The following SMOC2 variants were observed in gnomAD, a reference collection of about 807,000 sequenced individuals.
The protein encoded by SMOC2 is SPARC-related modular calcium-binding protein 2.
SMOC2 carries 39 observed loss-of-function variants against 61.4 expected under a neutral mutation model. The ratio of observed to expected loss-of-function variants is 0.64; its 90% CI spans 0.49 to 0.83. The LOEUF is 0.83. Ranked by LOEUF, SMOC2 falls within the 40% of genes least tolerant of loss-of-function variation. The pLI, the probability that SMOC2 is intolerant of heterozygous loss-of-function variation, is 0.00. For missense variants in SMOC2, 556 were observed against 592.9 expected, an observed-to-expected ratio of 0.94 and a Z score of 0.65; for synonymous variants, 247 against 239.9, an observed-to-expected ratio of 1.03 and a Z score of -0.27.
At chr6:168,650,310 A>T (rs1268523927) in intron 9 of SMOC2, among the ~76,000 whole-genome samples, 3 of 152,082 alleles carry the variant, frequency 2.0e-5, no homozygotes, top group Non-Finnish European at 2.9e-5. Context: ...GATTGCTGGG[A>T]TGGCCAGCCT....
intron 9 of SMOC2, among the ~76,000 whole-genome samples, chr6:168,626,031 A>C (rs899681875): frequency 2.0e-5 from 3 of 152,224 alleles, no homozygotes; most frequent in African/African-American, 7.2e-5. Flanking sequence ...CTGCCTTTCT[A>C]AGAAAGCTAA....
At chr6:168,536,276 C>G (rs1478826369) in intron 4 of SMOC2, among the ~76,000 whole-genome samples, 1 of 152,150 alleles carries the variant, frequency 6.6e-6, no homozygotes, top group East Asian at 1.9e-4. Flanking sequence ...AGTGGGGGAG[C>G]CTGTGGCTGC....
chr6:168,486,538 T>G (rs1253811698), intron 1 of SMOC2, among the ~76,000 whole-genome samples: 1 of 151,964 alleles, frequency 6.6e-6, no homozygotes. Context: ...GAAGTTTGAT[T>G]TGGCGTATTC....
intron 1 of SMOC2, among the ~76,000 whole-genome samples, chr6:168,478,935 T>C (rs1782147592): frequency 6.6e-6 from 1 of 151,486 alleles, no homozygotes; most frequent in Admixed American, 6.6e-5. Context: ...ACAGACCCTG[T>C]CTCGGGAAAA....
chr6:168,614,338 C>T (rs1330842298), intron 9 of SMOC2, among the ~76,000 whole-genome samples: 1 of 80,988 alleles, frequency 1.2e-5, no homozygotes, highest in Non-Finnish European at 2.4e-5. Context: ...TACCTACAGC[C>T]AGCACAGGAC....
intron 7 of SMOC2, among the ~76,000 whole-genome samples, chr6:168,575,196 CCG>C (rs1038487766): frequency 6.6e-6 from 1 of 152,094 alleles, no homozygotes; most frequent in African/African-American, 2.4e-5. Flanking sequence ...GAGCTCAGCA[CCG>C]AGTGGCTCGC....
chr6:168,452,806 T>C lies in SMOC2; in HGVS notation c.84+11352T>C, dbSNP rs528699966. 1.3e-5 allele frequency among the ~76,000 whole-genome samples: 2 copies of C among 152,368 alleles called. No homozygotes were observed. Among genetic ancestry groups the C allele is most frequent in the South Asian group, 4.1e-4 (2 of 4,828 alleles). On this transcript the variant is annotated intron_variant, in intron 1 of 12. Coordinates refer to ENST00000356284, the MANE Select transcript of SMOC2 (RefSeq NM_001166412.2). This position sits in a 1 kb window ranked among gnomAD's most constrained non-coding sequence, Gnocchi z 5.0. ...TCTGTAGGTTGTCTGGCCAACTTTATTCTAGAAGGCAGCAGGAAGGAGGGC... is the reference window on the plus strand; with the variant it reads ...TCTGTAGGTTGTCTGGCCAACTTTACTCTAGAAGGCAGCAGGAAGGAGGGC...
At chr6:168,585,954 G>C (rs902499819) in intron 7 of SMOC2, among the ~76,000 whole-genome samples, 4 of 152,030 alleles carry the variant, frequency 2.6e-5, no homozygotes, top group Non-Finnish European at 5.9e-5. Context: ...TTGCCTTTTC[G>C]TTTTCTTAAT....
At chr6:168,501,420 G>A (rs1050529705) in intron 1 of SMOC2, among the ~76,000 whole-genome samples, 3 of 152,054 alleles carry the variant, frequency 2.0e-5, no homozygotes, top group Non-Finnish European at 4.4e-5. Context: ...TTGCTGCGGT[G>A]CCAGGAACCT....
chr6:168,583,556 C>T (rs1784972340), intron 7 of SMOC2, among the ~76,000 whole-genome samples: 13 of 151,778 alleles, frequency 8.6e-5, no homozygotes, highest in Admixed American at 7.9e-4. Flanking sequence ...TGGGTCTGAC[C>T]CCCTGTCTCT....
At chr6:168,574,264 G>A (rs78922776) in intron 7 of SMOC2, among the ~76,000 whole-genome samples, 8 of 152,346 alleles carry the variant, frequency 5.3e-5, no homozygotes, top group East Asian at 1.9e-4. Flanking sequence ...TGGGCAGGGC[G>A]GGTAGGTCGA....
intron 1 of SMOC2, among the ~76,000 whole-genome samples, chr6:168,503,234 T>A (rs924164034): frequency 2.0e-5 from 3 of 151,860 alleles, no homozygotes; most frequent in Non-Finnish European, 2.9e-5. Context: ...CCCACCACCA[T>A]GCCCAGCTAA....
chr6:168,655,338 C>A, intron 11 of SMOC2: 1 of 453,690 alleles, frequency 2.2e-6, no homozygotes, highest in Non-Finnish European at 4.4e-6. Flanking sequence ...ATGGTTATAG[C>A]AGTTTTAACA....
intron 1 of SMOC2, among the ~76,000 whole-genome samples, chr6:168,482,948 T>C (rs2115025039): frequency 6.6e-6 from 1 of 152,128 alleles, no homozygotes; most frequent in South Asian, 2.1e-4. Flanking sequence ...GTAAACATTA[T>C]ATTAAATGGT....
At chr6:168,470,483 T>A (rs754930235) in intron 1 of SMOC2, among the ~76,000 whole-genome samples, 9 of 152,126 alleles carry the variant, frequency 5.9e-5, no homozygotes, top group Non-Finnish European at 8.8e-5. Context: ...GAGACCAGCC[T>A]GGGCAACATG....
At chr6:168,522,995 C>G (rs572272514) in intron 2 of SMOC2, among the ~76,000 whole-genome samples, 2 of 151,038 alleles carry the variant, frequency 1.3e-5, no homozygotes, top group Non-Finnish European at 2.9e-5. Context: ...TTGCCCAACA[C>G]TATGAATGTG....
intron 4 of SMOC2, among the ~76,000 whole-genome samples, chr6:168,533,348 C>G (rs966425048): frequency 2.7e-4 from 41 of 152,166 alleles, no homozygotes; most frequent in African/African-American, 8.9e-4. Context: ...TCTGCAAGGC[C>G]TAAAGTCTTG....
intron 7 of SMOC2, among the ~76,000 whole-genome samples, chr6:168,564,313 C>G (rs1056731241): frequency 6.6e-6 from 1 of 152,090 alleles, no homozygotes; most frequent in Non-Finnish European, 1.5e-5. Flanking sequence ...TGCACCCCAT[C>G]TGCATGCCTG....
intron 1 of SMOC2, among the ~76,000 whole-genome samples, chr6:168,481,337 A>G (rs1278362932): frequency 2.6e-5 from 4 of 152,152 alleles, no homozygotes; most frequent in Non-Finnish European, 5.9e-5. Context: ...AGGGTAAAAA[A>G]CATGATCTCA....
Sources: gnomAD v4.1 joint callset for allele counts (sites outside exome capture counted in the v4.1 genomes callset) on GRCh38, gnomAD v4.1.1 for gene constraint, Gnocchi (gnomAD v3.1) non-coding constraint, MANE v1.5 for transcripts, NCBI Gene and HGNC (gene_info 2026-07-23, HGNC 2026-07-21) for gene names.